Variants in HERC2 observed in about 807,000 individuals in gnomAD.
HERC2 encodes the protein E3 ubiquitin-protein ligase HERC2.
A neutral mutation model predicts 537.7 loss-of-function variants in HERC2; 102 were observed. The ratio of observed to expected loss-of-function variants is 0.19; its 90% CI spans 0.16 to 0.22. The LOEUF (loss-of-function observed/expected upper bound fraction) is 0.22. Ranked by LOEUF, HERC2 falls within the 10% of genes least tolerant of loss-of-function variation. HERC2 has a pLI of 1.00. For synonymous variants in HERC2, 2,224 were observed against 2,466.2 expected (o/e 0.90, Z 2.91); for missense variants, 4,236 against 6,198.2 (o/e 0.68, Z 10.63).
At chr15:28,181,712 T>C (rs1895834938) in intron 57 of HERC2, among the ~76,000 whole-genome samples, 2 of 152,216 alleles carry the variant, frequency 1.3e-5, no homozygotes, top group Non-Finnish European at 2.9e-5. Flanking sequence ...CATCATTTCT[T>C]ACACCTATTC....
At chr15:28,217,935 G>T (rs1900107357) in intron 38 of HERC2, among the ~76,000 whole-genome samples, 1 of 151,934 alleles carries the variant, frequency 6.6e-6, no homozygotes, top group South Asian at 2.1e-4. Context: ...CTGGATTTGG[G>T]ACTTCTGGTC....
In HERC2 at chr15:28,141,698, A is replaced by G. The variant is rs1316204047; in HGVS notation, c.11816+33T>C. 3.1e-6 allele frequency: 5 copies of G among 1,611,158 alleles called. No homozygotes were observed. In the Admixed American group the frequency reaches 8.3e-5, roughly 27 times the overall value. On this transcript the variant is annotated intron_variant, in intron 77 of 92. Transcript: ENST00000261609. ...ATGCACACAGCCTCTCACACTCACG[A>G]TCGACATTACTGCTTGTTTCTAATA...
intron 14 of HERC2, among the ~76,000 whole-genome samples, chr15:28,263,820 C>A (rs2075480648): frequency 2.0e-5 from 3 of 151,524 alleles, no homozygotes; most frequent in Admixed American, 1.3e-4. Context: ...TCACTTGAGC[C>A]CAGGAGTTCG....
At chr15:28,221,746 C>A (rs1900543529) in intron 36 of HERC2, among the ~76,000 whole-genome samples, 1 of 150,010 alleles carries the variant, frequency 6.7e-6, no homozygotes, top group Non-Finnish European at 1.5e-5. Flanking sequence ...CTCTCTTGCT[C>A]ACTCTCACAC....
chr15:28,239,288 T>C (rs1278910087), intron 23 of HERC2, among the ~76,000 whole-genome samples: 1 of 152,062 alleles, frequency 6.6e-6, no homozygotes, highest in Non-Finnish European at 1.5e-5. Context: ...CCTTTAAATG[T>C]GTATATTAGA....
At chr15:28,200,756 T>C (rs1196864035) in intron 48 of HERC2, among the ~76,000 whole-genome samples, 3 of 148,834 alleles carry the variant, frequency 2.0e-5, no homozygotes, top group Admixed American at 6.7e-5. Context: ...ATTTATTTTG[T>C]TAGGTAATGC....
chr15:28,144,086 T>C lies in HERC2; in HGVS notation c.11290A>G (p.Ser3764Gly). 1.2e-6 allele frequency: 2 copies of C among 1,614,170 alleles called. No individual in the cohort carries two copies. The highest frequency in any genetic ancestry group is 1.7e-6 in the Non-Finnish European group (2 of 1,180,040). ...TAATGGTGGCATTTACCTAGGGCAC[T>C]CAGCTGTGCACAAGCTGCCAGCGAG... ...AASLAACAQL[S>G]ALAASHRMWA... The change falls in exon 73 of 93, where the codon AGT becomes GGT. Residue 3764 changes from serine to glycine, a missense_variant. Physicochemically the swap from Ser to Gly is moderately conservative, Grantham distance 56. Transcript: ENST00000261609.
chr15:28,289,871 C>T (rs559093590), intron 4 of HERC2, among the ~76,000 whole-genome samples: 8 of 152,168 alleles, frequency 5.3e-5, no homozygotes, highest in South Asian at 4.2e-4. Flanking sequence ...AGTGAAAGGA[C>T]GACACATCTG....
At chr15:28,160,330 GGTGGA>G (rs530557988) in intron 69 of HERC2, among the ~76,000 whole-genome samples, 129 of 152,370 alleles carry the variant, frequency 8.5e-4, no homozygotes, top group Admixed American at 2.4e-3. Context: ...TGCCCCCAGA[GGTGGA>G]GTCTATAGAG....
chr15:28,313,191 CA>C (rs2076991730), intron 2 of HERC2, among the ~76,000 whole-genome samples: 6 of 78,958 alleles, frequency 7.6e-5, no homozygotes, highest in East Asian at 2.4e-4. Context: ...ACAGTTAAGG[CA>C]TTTTTTTTTT....
At chr15:28,218,138 G>A (rs1327304578) in intron 38 of HERC2, among the ~76,000 whole-genome samples, 1 of 151,030 alleles carries the variant, frequency 6.6e-6, no homozygotes, top group African/African-American at 2.5e-5. Flanking sequence ...GGGGAGATTT[G>A]GAGGCGACTC....
intron 52 of HERC2, among the ~76,000 whole-genome samples, chr15:28,192,930 CT>C (rs5741739): frequency 0.11 from 16,537 of 148,002 alleles, 1,237 homozygotes; most frequent in East Asian, 0.29. Flanking sequence ...TTGGGTTTCC[CT>C]TTTTTTTTTT....
intron 85 of HERC2, among the ~76,000 whole-genome samples, chr15:28,123,008 A>G (rs1889097195): frequency 6.6e-6 from 1 of 152,142 alleles, no homozygotes; most frequent in African/African-American, 2.4e-5. Flanking sequence ...GGTAAAATTA[A>G]TCGTTTGCTA....
rs1278488127 is a variant in HERC2, at chr15:28,229,828, A to G, written c.4829T>C (p.Leu1610Ser). 9 of 1,336,530 alleles carry G rather than the reference A, an allele frequency of 6.7e-6. No homozygotes were observed. In the East Asian group the frequency reaches 1.8e-4, roughly 27 times the overall value. The allele number at this position is 1,336,530 out of a possible 1,614,324, so 82.8% of individuals were successfully genotyped here. Reference protein sequence around the residue: ...KSPKDKWQPLLSTVTGVHKYK... With the variant: ...KSPKDKWQPLSSTVTGVHKYK... ...TTTGTGAACACCTGTAACAGTACTC[A>G]ACAGCGGCTGCCATTTGTCCTAACA... is the stretch of plus-strand genomic sequence containing the variant. The change falls in exon 32 of 93, where the codon TTG (leucine) becomes TCG (serine). Residue 1610 changes from leucine (L) to serine (S), a missense_variant. Leu to Ser is a moderately radical substitution (Grantham distance 145). Coordinates refer to ENST00000261609, the MANE Select transcript of HERC2 (RefSeq NM_004667.6).
chr15:28,175,539 G>A lies in HERC2; in HGVS notation c.9804C>T (p.His3268=). The change falls in exon 64 of 93, where the codon CAC becomes CAT. Residue 3268 remains histidine, a synonymous_variant. Coordinates refer to ENST00000261609, the MANE Select transcript of HERC2 (RefSeq NM_004667.6). ...GCCCCGAGTCCGTGACCGCCAGGCA[G>A]TGCAGGGCCCCGACAGCCACATGCA... is the stretch of plus-strand genomic sequence containing the variant. ...KIVHVAVGAL[H]CLAVTDSGQV... 1 of 1,613,626 alleles carries A rather than the reference G, an allele frequency of 6.2e-7. No individual in the cohort carries two copies. The highest frequency in any genetic ancestry group is 8.5e-7 in the Non-Finnish European group (1 of 1,179,764).
At chr15:28,165,610 G>A (rs1894048793) in intron 68 of HERC2, among the ~76,000 whole-genome samples, 1 of 151,096 alleles carries the variant, frequency 6.6e-6, no homozygotes, top group Non-Finnish European at 1.5e-5. Context: ...TGGGCAACAT[G>A]GCAAAACCTA....
chr15:28,293,211 C>T lies in HERC2; in HGVS notation c.188-189G>A, dbSNP rs1054708640. 4.5e-4 allele frequency among the ~76,000 whole-genome samples: 68 copies of T among 151,998 alleles called. 1 individual carries two copies. Among genetic ancestry groups the T allele is most frequent in the African/African-American group, 1.5e-3 (61 of 41,390 alleles). ...AATTTTCATAAAGAAACCAATATATCGGCCAGGCGTGGTGGCTCACGCCTG... is the reference window on the plus strand; with the variant it reads ...AATTTTCATAAAGAAACCAATATATTGGCCAGGCGTGGTGGCTCACGCCTG... On this transcript the variant is annotated intron_variant, in intron 3 of 92. Transcript: ENST00000261609.
intron 5 of HERC2, among the ~76,000 whole-genome samples, chr15:28,275,216 A>C (rs1351848709): frequency 1.3e-5 from 2 of 152,248 alleles, no homozygotes; most frequent in Non-Finnish European, 2.9e-5. Flanking sequence ...AGAATCAAAG[A>C]AATGTATAAG....
chr15:28,190,249 G>A (rs889086729), intron 55 of HERC2: 9 of 147,372 alleles, frequency 6.1e-5, no homozygotes, highest in African/African-American at 2.3e-4. Flanking sequence ...TCGATCTCCT[G>A]AGCTCGTGAT....
Sources: gnomAD v4.1 joint callset for allele counts (sites outside exome capture counted in the v4.1 genomes callset) on GRCh38, gnomAD v4.1.1 for gene constraint, MANE v1.5 for transcripts, NCBI Gene and HGNC (gene_info 2026-07-23, HGNC 2026-07-21) for gene names.